BICD1: variants seen among roughly 807,000 people sequenced by gnomAD.
The protein encoded by BICD1 is BICD cargo adaptor 1.
Under a neutral mutation model 92.5 loss-of-function variants are expected in BICD1, and 35 were observed. That is an observed-to-expected ratio of 0.38 (90% CI 0.29 to 0.50). BICD1 has a LOEUF of 0.50. Among genes scored for constraint, BICD1 ranks in the 20% least tolerant of loss-of-function variants. BICD1 has a pLI of 0.93. For missense variants in BICD1, 950 were observed against 1,189.8 expected, an observed-to-expected ratio of 0.80 and a Z score of 2.97; for synonymous variants, 429 against 465.1, an observed-to-expected ratio of 0.92 and a Z score of 1.00.
intron 1 of BICD1, among the ~76,000 whole-genome samples, chr12:32,133,345 G>T (rs186445324): frequency 1.3e-5 from 2 of 151,924 alleles, no homozygotes; most frequent in African/African-American, 4.8e-5. Flanking sequence ...AAAATTAGCC[G>T]GGTATGGTGG....
rs1434775338 is a variant in BICD1 at position 32,380,852 on chromosome 12, T to C, written c.*3225T>C. The C allele has an allele frequency of 1.3e-5, 2 of 152,126 alleles. No individual in the cohort carries two copies. Among genetic ancestry groups the C allele is most frequent in the South Asian group, 2.1e-4 (1 of 4,830 alleles). The allele number at this position is 152,126 out of a possible 1,614,324, so 9.4% of individuals were successfully genotyped here. A position where few individuals can be genotyped will look rare whatever the true frequency, so the allele number is the denominator to read the frequency against. ...AAGAATATTTAACAAATGATAGATA[T>C]CAGCTATAGATATTGTTACTAAGTC... On this transcript the variant is annotated 3_prime_UTR_variant, in exon 10 of 10. Coordinates refer to ENST00000652176, the MANE Select transcript of BICD1 (RefSeq NM_001714.4).
chr12:32,234,281 G>A (rs1041871167), intron 2 of BICD1, among the ~76,000 whole-genome samples: 3 of 152,080 alleles, frequency 2.0e-5, no homozygotes, highest in Non-Finnish European at 4.4e-5. Flanking sequence ...TATATTTTTG[G>A]TTTCACTAAG....
intron 4 of BICD1, among the ~76,000 whole-genome samples, chr12:32,310,994 C>G (rs1592653671): frequency 6.6e-6 from 1 of 152,190 alleles, no homozygotes; most frequent in South Asian, 2.1e-4. Flanking sequence ...ATTTATTTAA[C>G]CTGGTTCCAG....
chr12:32,280,693 C>T (rs1159149404), intron 2 of BICD1, among the ~76,000 whole-genome samples: 1 of 152,202 alleles, frequency 6.6e-6, no homozygotes, highest in Non-Finnish European at 1.5e-5. Context: ...GCCAAAGTGG[C>T]ATATTTTGGG....
intron 2 of BICD1, among the ~76,000 whole-genome samples, chr12:32,280,395 A>T (rs1947383018): frequency 6.6e-6 from 1 of 152,252 alleles, no homozygotes; most frequent in South Asian, 2.1e-4. Flanking sequence ...TGAAGAAGTG[A>T]TAAGACAAAG....
At chr12:32,263,867 G>C (rs1946923231) in intron 2 of BICD1, among the ~76,000 whole-genome samples, 1 of 152,226 alleles carries the variant, frequency 6.6e-6, no homozygotes, top group African/African-American at 2.4e-5. Context: ...CTGTCTAGCA[G>C]AGTGCTTTGC....
At position 32,338,967 on chromosome 12, in the gene BICD1, G is replaced by A. The variant is rs141754177; in HGVS notation, c.2752G>A (p.Val918Met). The A allele has an allele frequency of 6.5e-5, 103 of 1,594,252 alleles. No homozygotes were observed. The highest frequency in any genetic ancestry group is 3.7e-4 in the South Asian group (32 of 87,530). Residue 918 changes from valine to methionine, a missense_variant, in exon 8 of 10, where the codon GTG (valine) becomes ATG (methionine). Coordinates refer to ENST00000652176, the MANE Select transcript of BICD1 (RefSeq NM_001714.4). ...GCTCAGCAAGGAAAAAAGGTTAACC[G>A]TGGCTCCACCAGGTAAACATTTTTT... is the stretch of plus-strand genomic sequence containing the variant. The part of the protein sequence containing the change: ...HRLSKEKRLT[V>M]APPDCQQPAA...
intron 1 of BICD1, among the ~76,000 whole-genome samples, chr12:32,211,701 T>G: frequency 8.4e-6 from 1 of 118,488 alleles, no homozygotes. Context: ...GGGAAACAGT[T>G]GTGAAAAAAA....
chr12:32,356,749 G>C (rs1939126587), intron 8 of BICD1, among the ~76,000 whole-genome samples: 1 of 152,206 alleles, frequency 6.6e-6, no homozygotes, highest in Non-Finnish European at 1.5e-5. Flanking sequence ...GTGCATCTAA[G>C]TGTGTTAGTA....
intron 2 of BICD1, among the ~76,000 whole-genome samples, chr12:32,245,739 A>T (rs1341891225): frequency 6.6e-6 from 1 of 152,198 alleles, no homozygotes; most frequent in African/African-American, 2.4e-5. Flanking sequence ...ATAGTTTAAG[A>T]AAAAGGATAA....
intron 1 of BICD1, among the ~76,000 whole-genome samples, chr12:32,169,237 A>G (rs10844145): frequency 0.3 from 46,295 of 152,006 alleles, 7,365 homozygotes; most frequent in Admixed American, 0.37. Context: ...AAAATAATAG[A>G]TAAAATTTAC....
chr12:32,218,215 A>G (rs1190898363), intron 2 of BICD1, among the ~76,000 whole-genome samples: 5 of 152,218 alleles, frequency 3.3e-5, no homozygotes, highest in Non-Finnish European at 7.3e-5. Context: ...TTTATGATGC[A>G]TGGCAGAAGT....
chr12:32,242,492 A>C (rs967172637), intron 2 of BICD1, among the ~76,000 whole-genome samples: 2 of 152,094 alleles, frequency 1.3e-5, no homozygotes, highest in African/African-American at 4.8e-5. Flanking sequence ...GTGCCACTGC[A>C]CTTTAGCCTG....
Position 32,225,619 on chromosome 12 carries a change from C to CTGTTTTTGTTTT in BICD1, c.426+9167_426+9168insGTTTTTGTTTTT, listed in dbSNP as rs775727276. 5.5e-3 allele frequency among the ~76,000 whole-genome samples: 162 copies of CTGTTTTTGTTTT among 29,208 alleles called. 3 individuals are homozygous for CTGTTTTTGTTTT. The highest frequency in any genetic ancestry group is 0.012 in the African/African-American group (108 of 8,996). The allele number at this position is 29,208 out of a possible 152,430, so 19.2% of individuals were successfully genotyped here. A position where few individuals can be genotyped will look rare whatever the true frequency, so the allele number is the denominator to read the frequency against. On this transcript the variant is annotated intron_variant, in intron 2 of 9. Coordinates refer to ENST00000652176, the MANE Select transcript of BICD1 (RefSeq NM_001714.4). The stretch of plus-strand genomic sequence containing the variant: ...CTTGGTATTTGACAGTTCTTTTTTT[C>CTGTTTTTGTTTT]TGTTTTTTTTTTTTTTTTTTTTAGA...
At chr12:32,269,924 C>T in intron 2 of BICD1, among the ~76,000 whole-genome samples, 1 of 151,566 alleles carries the variant, frequency 6.6e-6, no homozygotes, top group Non-Finnish European at 1.5e-5. Flanking sequence ...GAGTTTGGGC[C>T]CAGCCTGGCC....
chr12:32,281,088 A>C (rs1306865886), intron 2 of BICD1, among the ~76,000 whole-genome samples: 2 of 152,142 alleles, frequency 1.3e-5, no homozygotes, highest in Admixed American at 1.3e-4. Context: ...TCACAGAAAC[A>C]CTCCGTAGAA....
At chr12:32,146,370 A>T (rs185168934) in intron 1 of BICD1, among the ~76,000 whole-genome samples, 8 of 152,288 alleles carry the variant, frequency 5.3e-5, no homozygotes, top group African/African-American at 1.4e-4. Flanking sequence ...GAGATGTTTT[A>T]AAAAAGTGTT....
At chr12:32,177,348 C>T (rs888422946) in intron 1 of BICD1, among the ~76,000 whole-genome samples, 6 of 149,950 alleles carry the variant, frequency 4.0e-5, no homozygotes, top group South Asian at 2.1e-4. Flanking sequence ...TCTAAAATAT[C>T]GTGTCTTTGA....
At chr12:32,130,457 C>T (rs1426818904) in intron 1 of BICD1, among the ~76,000 whole-genome samples, 2 of 152,194 alleles carry the variant, frequency 1.3e-5, no homozygotes, top group African/African-American at 4.8e-5. Flanking sequence ...TCCCAAAGTG[C>T]TGGGATTACA....
Sources: allele counts gnomAD v4.1 joint callset (sites outside exome capture counted in the v4.1 genomes callset), GRCh38; gene constraint gnomAD v4.1.1; transcripts MANE v1.5; gene names NCBI Gene and HGNC (gene_info 2026-07-23, HGNC 2026-07-21).